DCDC1: variants seen among roughly 807,000 people sequenced by gnomAD.
DCDC1 encodes the protein doublecortin domain containing 1.
A neutral mutation model predicts 178.3 loss-of-function variants in DCDC1; 200 were observed. That is an observed-to-expected ratio of 1.12 (90% CI 1.00 to 1.26). DCDC1 has a LOEUF of 1.26. Among genes scored for constraint, DCDC1 ranks in the 50% most tolerant of loss-of-function variants. The probability of loss-of-function intolerance (pLI) is 0.00; values close to 1 mark genes in which losing one functional copy is unlikely to be tolerated. For synonymous variants in DCDC1, 690 were observed against 604.8 expected (o/e 1.14, Z -2.07); for missense variants, 1,983 against 1,749.2 (o/e 1.13, Z -2.38).
At chr11:30,961,230 T>C (rs564826592) in intron 20 of DCDC1, among the ~76,000 whole-genome samples, 40 of 152,260 alleles carry the variant, frequency 2.6e-4, no homozygotes, top group Non-Finnish European at 4.7e-4. Context: ...AGATACTATT[T>C]AGCACTCTTG....
intron 38 of DCDC1, among the ~76,000 whole-genome samples, chr11:30,877,254 G>A (rs970355001): frequency 1.3e-5 from 2 of 152,144 alleles, no homozygotes; most frequent in Admixed American, 6.5e-5. Context: ...TCACATTAAA[G>A]TGGAGGATTG....
chr11:31,093,849 T>C (rs1424488261), intron 16 of DCDC1, among the ~76,000 whole-genome samples: 1 of 152,208 alleles, frequency 6.6e-6, no homozygotes, highest in Admixed American at 6.5e-5. Context: ...TGTCTGATAG[T>C]GAACTGAATG....
intron 20 of DCDC1, among the ~76,000 whole-genome samples, chr11:30,954,000 C>T (rs1590522169): frequency 7.5e-6 from 1 of 133,486 alleles, no homozygotes; most frequent in Non-Finnish European, 1.6e-5. Flanking sequence ...ATAAATACAA[C>T]AATTCTTTTT....
At chr11:31,019,887 C>G (rs1030059939) in intron 20 of DCDC1, among the ~76,000 whole-genome samples, 1 of 152,084 alleles carries the variant, frequency 6.6e-6, no homozygotes, top group Non-Finnish European at 1.5e-5. Context: ...CCCCACCCCC[C>G]AGTCTGTCTT....
chr11:30,943,449 G>A (rs571745719), intron 21 of DCDC1: 72 of 300,682 alleles, frequency 2.4e-4, no homozygotes, highest in Middle Eastern at 1.1e-3. Flanking sequence ...GGCATGGCCC[G>A]TCCAAATGGA....
In DCDC1 at chr11:30,888,020, A is replaced by G. The variant is rs650625; in HGVS notation, c.5082+4798T>C. Among the ~76,000 whole-genome samples, 929 of 141,600 alleles carry G rather than the reference A, an allele frequency of 6.6e-3. 6 individuals are homozygous for G. Among genetic ancestry groups the G allele is most frequent in the African/African-American group, 0.023 (869 of 37,136 alleles). The allele number at this position is 141,600 out of a possible 152,430, so 92.9% of individuals were successfully genotyped here. A position where few individuals can be genotyped will look rare whatever the true frequency, so the allele number is the denominator to read the frequency against. On this transcript the variant is annotated intron_variant, in intron 36 of 38. Transcript: ENST00000684477. ...TTCCGTCAAAAAAAAAAAAGAAAGA[A>G]AGAGAGAGAGAGAGAAAGAAAGAAA...
At chr11:31,348,273 G>A (rs1174051367) in intron 1 of DCDC1, among the ~76,000 whole-genome samples, 1 of 152,116 alleles carries the variant, frequency 6.6e-6, no homozygotes, top group Non-Finnish European at 1.5e-5. Flanking sequence ...CTAGTGGGAT[G>A]GAGATGACAC....
At chr11:31,026,273 T>C (rs1274297127) in intron 20 of DCDC1, among the ~76,000 whole-genome samples, 1 of 151,708 alleles carries the variant, frequency 6.6e-6, no homozygotes, top group Non-Finnish European at 1.5e-5. Flanking sequence ...TCTTCACTAA[T>C]AGAATACATG....
Position 31,078,539 on chromosome 11 carries a change from C to T in DCDC1, c.2238-614G>A, listed in dbSNP as rs1370064818. ...TAACAGGATGTTAAACAAGACTTTTCCTACTGCCTCTGAGTTTTGACAGAA... is the reference window on the plus strand; with the variant it reads ...TAACAGGATGTTAAACAAGACTTTTTCTACTGCCTCTGAGTTTTGACAGAA... On this transcript the variant is annotated intron_variant, in intron 17 of 38. Transcript: ENST00000684477. 4.6e-5 allele frequency among the ~76,000 whole-genome samples: 7 copies of T among 152,146 alleles called. No individual in the cohort carries two copies. The South Asian group carries it at 8.3e-4, about 18-fold the overall frequency.
rs35301487 is a variant in DCDC1 at position 31,297,357 on chromosome 11, AT to A, written c.755-6506del. Among the ~76,000 whole-genome samples the A allele has an allele frequency of 1.1e-4, 17 of 149,856 alleles. No homozygotes were observed. In the East Asian group the frequency reaches 1.8e-3, roughly 16 times the overall value. ...GAATTTCTAGGAAAACATACTAGCC[AT>A]TTTTTTTTTAATTTTTTTTGAGATA... On this transcript the variant is annotated intron_variant, in intron 6 of 38. Transcript: ENST00000684477.
chr11:31,146,696 C>T (rs1027635329), intron 9 of DCDC1, among the ~76,000 whole-genome samples: 3 of 152,162 alleles, frequency 2.0e-5, no homozygotes, highest in African/African-American at 7.2e-5. Flanking sequence ...CCTAGATGAT[C>T]CAACCTAAAC....
At chr11:31,042,764 C>A (rs1954557960) in intron 20 of DCDC1, among the ~76,000 whole-genome samples, 1 of 152,152 alleles carries the variant, frequency 6.6e-6, no homozygotes, top group Non-Finnish European at 1.5e-5. Context: ...CCTCTGGCAA[C>A]CTGACCTTAG....
chr11:31,047,735 A>T (rs1565218727), intron 20 of DCDC1, among the ~76,000 whole-genome samples: 5 of 151,920 alleles, frequency 3.3e-5, no homozygotes. Flanking sequence ...GGATGGAGGG[A>T]TTTTTTTTAA....
intron 20 of DCDC1, among the ~76,000 whole-genome samples, chr11:31,009,605 T>A (rs1309728170): frequency 2.6e-5 from 4 of 152,034 alleles, no homozygotes; most frequent in Non-Finnish European, 1.5e-5. Flanking sequence ...TAAGTCCTAG[T>A]GTGATGGCAG....
chr11:31,074,165 A>C (rs182930612), intron 18 of DCDC1, among the ~76,000 whole-genome samples: 1 of 152,308 alleles, frequency 6.6e-6, no homozygotes, highest in African/African-American at 2.4e-5. Context: ...CTCATGGCTC[A>C]GATCCAGTTC....
chr11:31,092,744 T>C (rs1431652044), intron 16 of DCDC1, among the ~76,000 whole-genome samples: 1 of 152,192 alleles, frequency 6.6e-6, no homozygotes, highest in Non-Finnish European at 1.5e-5. Flanking sequence ...GGACCTTCCA[T>C]AGCAACTGGT....
At chr11:31,314,658 T>G (rs1948958650) in intron 3 of DCDC1, 1 of 152,234 alleles carries the variant, frequency 6.6e-6, no homozygotes, top group Non-Finnish European at 1.5e-5. Context: ...AGGCCAGGAA[T>G]AGCTTAGCTT....
At chr11:30,870,419 A>T (rs529285450) in intron 38 of DCDC1, among the ~76,000 whole-genome samples, 2 of 152,318 alleles carry the variant, frequency 1.3e-5, no homozygotes, top group African/African-American at 4.8e-5. Context: ...CCCAGTGAAC[A>T]GAACTCATAT....
At chr11:31,050,876 T>C (rs1236696423) in intron 20 of DCDC1, among the ~76,000 whole-genome samples, 1 of 152,006 alleles carries the variant, frequency 6.6e-6, no homozygotes, top group Non-Finnish European at 1.5e-5. Flanking sequence ...CCTATGCAAA[T>C]GAGAAGGAAC....
Sources: gnomAD v4.1 joint callset for allele counts (sites outside exome capture counted in the v4.1 genomes callset) on GRCh38, gnomAD v4.1.1 for gene constraint, MANE v1.5 for transcripts, NCBI Gene and HGNC (gene_info 2026-07-23, HGNC 2026-07-21) for gene names.